Variants in ATRNL1 observed in about 807,000 individuals in gnomAD.
The protein encoded by ATRNL1 is attractin-like protein 1.
Under a neutral mutation model 182.7 loss-of-function variants are expected in ATRNL1, and 95 were observed. That is an observed-to-expected ratio of 0.52 (90% confidence interval 0.44 to 0.62). The LOEUF (loss-of-function observed/expected upper bound fraction) is 0.62, where lower values mean the gene tolerates loss of function less well. ATRNL1 is among the 20% of genes least tolerant of loss of function. ATRNL1 has a pLI of 0.00. For missense variants in ATRNL1, 1,471 were observed against 1,679.5 expected (o/e 0.88, Z 2.17); for synonymous variants, 576 against 568.3 (o/e 1.01, Z -0.19).
intron 27 of ATRNL1, among the ~76,000 whole-genome samples, chr10:115,762,010 C>A (rs781999069): frequency 1.3e-5 from 2 of 152,066 alleles, no homozygotes; most frequent in Non-Finnish European, 2.9e-5. Flanking sequence ...TATCTAAGAT[C>A]ACAATAAACA....
intron 5 of ATRNL1, among the ~76,000 whole-genome samples, chr10:115,150,196 T>C (rs782221910): frequency 1.4e-4 from 21 of 152,154 alleles, no homozygotes; most frequent in Non-Finnish European, 2.6e-4. Flanking sequence ...TAACGTGTCC[T>C]TTTACATTTC....
chr10:115,888,428 T>C (rs746650278), intron 28 of ATRNL1, among the ~76,000 whole-genome samples: 41 of 152,172 alleles, frequency 2.7e-4, no homozygotes, highest in Non-Finnish European at 5.1e-4. Context: ...CAGAAGATGA[T>C]AGGTGATGTC....
rs1953883086 is a variant in ATRNL1, at chr10:115,946,676, A to G, written c.*1897A>G. ...TTCTCTCTCATTAAAGGAATGAGCT[A>G]AGTTTGTAAATATCTCCTAAAAACA... is the stretch of plus-strand genomic sequence containing the variant. On this transcript the variant is annotated 3_prime_UTR_variant, in exon 29 of 29. Coordinates refer to ENST00000355044, the MANE Select transcript of ATRNL1 (RefSeq NM_207303.4). 6.6e-6 allele frequency: 1 copy of G among 152,136 alleles called. No homozygotes were observed. The highest frequency in any genetic ancestry group is 1.5e-5 in the Non-Finnish European group (1 of 68,018). The allele number at this position is 152,136 out of a possible 1,614,324, so 9.4% of individuals were successfully genotyped here. A position where few individuals can be genotyped will look rare whatever the true frequency, so the allele number is the denominator to read the frequency against.
chr10:115,507,474 A>G (rs1021003745), intron 24 of ATRNL1, among the ~76,000 whole-genome samples: 4 of 152,090 alleles, frequency 2.6e-5, no homozygotes, highest in African/African-American at 9.7e-5. Context: ...AGGTAACCTA[A>G]TAATGATAGT....
At chr10:115,226,871 C>T (rs1279664134) in intron 9 of ATRNL1, among the ~76,000 whole-genome samples, 1 of 152,066 alleles carries the variant, frequency 6.6e-6, no homozygotes, top group Non-Finnish European at 1.5e-5. Context: ...AACTGGCTAG[C>T]CATATGCCAA....
intron 21 of ATRNL1, among the ~76,000 whole-genome samples, chr10:115,440,786 T>C (rs1257773008): frequency 6.6e-6 from 1 of 151,778 alleles, no homozygotes; most frequent in Non-Finnish European, 1.5e-5. Context: ...GAAAAAAAAA[T>C]CATATAGCTG....
intron 26 of ATRNL1, among the ~76,000 whole-genome samples, chr10:115,588,739 A>T (rs1407929988): frequency 1.3e-5 from 2 of 152,152 alleles, no homozygotes; most frequent in African/African-American, 2.4e-5. Flanking sequence ...CCCAGTGTGT[A>T]CAAGTCTCTC....
intron 18 of ATRNL1, among the ~76,000 whole-genome samples, chr10:115,319,261 ATG>A (rs1854461376): frequency 6.6e-6 from 1 of 152,068 alleles, no homozygotes. Context: ...AGACTTTGTA[ATG>A]ATTTCAATTC....
intron 26 of ATRNL1, among the ~76,000 whole-genome samples, chr10:115,596,087 A>G (rs1299296543): frequency 6.6e-6 from 1 of 152,266 alleles, no homozygotes; most frequent in East Asian, 1.9e-4. Flanking sequence ...GTGTTCGGAA[A>G]TGTGACGCCC....
At chr10:115,422,494 G>A (rs782183207) in intron 20 of ATRNL1, among the ~76,000 whole-genome samples, 1 of 151,982 alleles carries the variant, frequency 6.6e-6, no homozygotes, top group Non-Finnish European at 1.5e-5. Flanking sequence ...ATATGATACC[G>A]TCTCACACCA....
chr10:115,263,759 C>G (rs1851489918), intron 10 of ATRNL1, among the ~76,000 whole-genome samples: 1 of 151,714 alleles, frequency 6.6e-6, no homozygotes, highest in Admixed American at 6.6e-5. Flanking sequence ...AATTGGCAGT[C>G]TTAATCTTTA....
intron 8 of ATRNL1, among the ~76,000 whole-genome samples, chr10:115,173,750 T>C (rs1847383509): frequency 6.6e-6 from 1 of 151,912 alleles, no homozygotes; most frequent in Non-Finnish European, 1.5e-5. Context: ...CATCTGTCGT[T>C]AATATTGCCC....
chr10:115,613,945 T>A (rs1342031257), intron 26 of ATRNL1, among the ~76,000 whole-genome samples: 7 of 152,066 alleles, frequency 4.6e-5, no homozygotes, highest in Admixed American at 6.5e-5. Context: ...TATTGACTTA[T>A]GTTTATCTTT....
chr10:115,223,929 A>ATTTTTTTTTTTTTTTT (rs1223695295), intron 9 of ATRNL1, among the ~76,000 whole-genome samples: 2 of 44,730 alleles, frequency 4.5e-5, no homozygotes, highest in Non-Finnish European at 9.0e-5. Flanking sequence ...ATATATATAT[A>ATTTTTTTTTTTTTTTT]TTTTTTTTTT....
intron 10 of ATRNL1, among the ~76,000 whole-genome samples, chr10:115,261,811 T>C (rs1222580574): frequency 6.6e-6 from 1 of 152,102 alleles, no homozygotes; most frequent in East Asian, 1.9e-4. Context: ...GGAGGATTGC[T>C]TGAGCCCAGG....
In ATRNL1 at chr10:115,294,881, C is replaced by A. The variant is rs560153157; in HGVS notation, c.2416-5153C>A. 7.9e-5 allele frequency among the ~76,000 whole-genome samples: 12 copies of A among 152,260 alleles called. No homozygotes were observed. The South Asian group carries it at 2.5e-3, about 32-fold the overall frequency. Reference sequence around the variant, plus strand: ...TTTTCAAGTGTCTTGGTAGCCTTTGCAAAGAGAGTTTGTAGCAGTGGTGAT... The same window carrying A: ...TTTTCAAGTGTCTTGGTAGCCTTTGAAAAGAGAGTTTGTAGCAGTGGTGAT... On this transcript the variant is annotated intron_variant, in intron 15 of 28. Transcript: ENST00000355044.
chr10:115,547,447 A>C (rs1306049933), intron 25 of ATRNL1, among the ~76,000 whole-genome samples: 1 of 152,020 alleles, frequency 6.6e-6, no homozygotes, highest in African/African-American at 2.4e-5. Flanking sequence ...AATCTTTTAT[A>C]GCCCTTTCAA....
intron 20 of ATRNL1, among the ~76,000 whole-genome samples, chr10:115,396,063 A>G (rs967633152): frequency 2.0e-5 from 3 of 151,912 alleles, no homozygotes; most frequent in African/African-American, 7.2e-5. Context: ...TTTTATTTAA[A>G]ATAAATATAT....
At chr10:115,515,862 ACTTT>A (rs1435695138) in intron 24 of ATRNL1, among the ~76,000 whole-genome samples, 4 of 151,824 alleles carry the variant, frequency 2.6e-5, no homozygotes, top group African/African-American at 9.7e-5. Flanking sequence ...ATCAACCACT[ACTTT>A]CTTCTTGCAA....
Sources: gnomAD v4.1 joint callset for allele counts (sites outside exome capture counted in the v4.1 genomes callset) on GRCh38, gnomAD v4.1.1 for gene constraint, MANE v1.5 for transcripts, NCBI Gene and HGNC (gene_info 2026-07-23, HGNC 2026-07-21) for gene names.